ZNF407: variants seen among roughly 807,000 people sequenced by gnomAD.
ZNF407 encodes the protein zinc finger protein 407.
In ZNF407, 17 loss-of-function variants were observed where a neutral mutation model predicts 131.2. The observed-to-expected ratio is 0.13, with a 90% CI of 0.09 to 0.19. ZNF407 has a LOEUF of 0.19. Among genes scored for constraint, ZNF407 ranks in the 10% least tolerant of loss-of-function variants. The pLI, the probability that ZNF407 is intolerant of heterozygous loss-of-function variation, is 1.00. For synonymous variants in ZNF407, 1,156 were observed against 1,062.0 expected (o/e 1.09, Z -1.72); for missense variants, 2,681 against 2,830.6 (o/e 0.95, Z 1.20).
intron 8 of ZNF407, 47 bp downstream of exon 8, chr18:74,920,739 T>A: frequency 1.3e-6 from 2 of 1,557,740 alleles, no homozygotes; most frequent in East Asian, 4.6e-5. Flanking sequence ...GGATTTCATG[T>A]GATCACAGCA....
intron 8 of ZNF407, among the ~76,000 whole-genome samples, chr18:74,968,669 A>T (rs900701771): frequency 7.2e-5 from 11 of 152,202 alleles, no homozygotes; most frequent in Admixed American, 7.2e-4. Context: ...TGATGTTCCC[A>T]CATGAGTAAT....
At chr18:75,044,737 G>T (rs1973412900) in intron 8 of ZNF407, among the ~76,000 whole-genome samples, 1 of 152,084 alleles carries the variant, frequency 6.6e-6, no homozygotes, top group African/African-American at 2.4e-5. Flanking sequence ...TGCAAGATAT[G>T]ACTAAAGCAA....
intron 8 of ZNF407, among the ~76,000 whole-genome samples, chr18:75,037,818 G>A (rs1599306357): frequency 6.6e-6 from 1 of 152,162 alleles, no homozygotes. Flanking sequence ...TTTGGCTCAA[G>A]TGTGTTCTGT....
chr18:75,060,507 CTTTTTT>C lies in ZNF407; in HGVS notation c.5429-2632_5429-2627del, dbSNP rs564194650. ...GCTCTTTTCTTTTTTTTCTTTTTTT[CTTTTTT>C]TTTTTTTTTTGCGACGGAGTCTCGC... On this transcript the variant is annotated intron_variant, in intron 8 of 8. Coordinates refer to ENST00000299687, the MANE Select transcript of ZNF407 (RefSeq NM_017757.3). 3.6e-3 allele frequency among the ~76,000 whole-genome samples: 451 copies of C among 124,466 alleles called. 3 individuals carry two copies. Among genetic ancestry groups the C allele is most frequent in the African/African-American group, 0.013 (416 of 32,090 alleles). The allele number at this position is 124,466 out of a possible 152,430, so 81.7% of individuals were successfully genotyped here. A position where few individuals can be genotyped will look rare whatever the true frequency, so the allele number is the denominator to read the frequency against.
intron 3 of ZNF407, among the ~76,000 whole-genome samples, chr18:74,765,322 G>T (rs1969205147): frequency 1.3e-5 from 2 of 151,976 alleles, no homozygotes; most frequent in Admixed American, 1.3e-4. Context: ...TTCTTTGCAT[G>T]CCTGGTAATT....
intron 1 of ZNF407, among the ~76,000 whole-genome samples, chr18:74,621,517 G>GC (rs1983509645): frequency 6.6e-6 from 1 of 151,974 alleles, no homozygotes; most frequent in Non-Finnish European, 1.5e-5. Context: ...GCAGCCCCCA[G>GC]CTCCTCACTG....
intron 2 of ZNF407, among the ~76,000 whole-genome samples, chr18:74,639,618 C>T (rs1184368634): frequency 6.6e-6 from 1 of 152,174 alleles, no homozygotes; most frequent in Non-Finnish European, 1.5e-5. Context: ...TAGATACAAC[C>T]ATTCAGGTGC....
At chr18:75,050,834 TC>T (rs1296736139) in intron 8 of ZNF407, among the ~76,000 whole-genome samples, 2 of 152,118 alleles carry the variant, frequency 1.3e-5, no homozygotes, top group Non-Finnish European at 2.9e-5. Context: ...AACACAGAGA[TC>T]TATGGAGATT....
At chr18:74,755,771 T>TTCTTTC (rs1265035731) in intron 3 of ZNF407, among the ~76,000 whole-genome samples, 55 of 130,572 alleles carry the variant, frequency 4.2e-4, no homozygotes, top group South Asian at 2.6e-3. Flanking sequence ...CTTTCTTTCT[T>TTCTTTC]TCTCTCTCTC....
chr18:74,599,949 G>A (rs967556828), intron 1 of ZNF407, among the ~76,000 whole-genome samples: 3 of 152,180 alleles, frequency 2.0e-5, no homozygotes, highest in African/African-American at 4.8e-5. Context: ...TCCACTGAGC[G>A]TTTTCCTTGC....
rs1320421014 is a variant in ZNF407 at position 74,830,925 on chromosome 18, CT to C, written c.4878-46271del. ...ATGTCTCCCTATCCCTCCCTTCCCC[CT>C]ACCCTTCCCAGCCTGTCATATCCTC... On this transcript the variant is annotated intron_variant, in intron 4 of 8. Transcript: ENST00000299687. 2.0e-5 allele frequency among the ~76,000 whole-genome samples: 3 copies of C among 152,176 alleles called. 1 individual carries two copies. Among genetic ancestry groups the C allele is most frequent in the Non-Finnish European group, 4.4e-5 (3 of 68,024 alleles).
chr18:75,032,047 T>C (rs927976465), intron 8 of ZNF407, among the ~76,000 whole-genome samples: 1 of 152,192 alleles, frequency 6.6e-6, no homozygotes, highest in African/African-American at 2.4e-5. Flanking sequence ...AAACTTTCTA[T>C]CGTAAGTAGA....
chr18:74,621,721 C>T (rs1040129754), intron 1 of ZNF407, among the ~76,000 whole-genome samples: 1 of 152,214 alleles, frequency 6.6e-6, no homozygotes, highest in African/African-American at 2.4e-5. Flanking sequence ...CCCTTACAAA[C>T]AGCTCCGTAC....
intron 3 of ZNF407, among the ~76,000 whole-genome samples, chr18:74,685,418 T>G (rs189131374): frequency 6.6e-6 from 1 of 152,208 alleles, no homozygotes; most frequent in Non-Finnish European, 1.5e-5. Flanking sequence ...ATTACTGATA[T>G]AGGTCTCCTG....
chr18:75,000,129 G>A (rs867826831), intron 8 of ZNF407, among the ~76,000 whole-genome samples: 5 of 152,122 alleles, frequency 3.3e-5, no homozygotes, highest in Admixed American at 1.3e-4. Context: ...ATCTGTGGGC[G>A]GGTCCACAGG....
intron 8 of ZNF407, among the ~76,000 whole-genome samples, chr18:75,059,428 G>T (rs1209754202): frequency 6.6e-6 from 1 of 152,084 alleles, no homozygotes; most frequent in Non-Finnish European, 1.5e-5. Context: ...AAATTAATGG[G>T]GGAGGGGAAT....
At chr18:74,803,835 T>C (rs1179221906) in intron 4 of ZNF407, 2 of 962,138 alleles carry the variant, frequency 2.1e-6, no homozygotes, top group Admixed American at 5.0e-5. Flanking sequence ...TTTATCAATA[T>C]TAATACTTTC....
At chr18:74,624,303 T>C (rs913520018) in intron 1 of ZNF407, among the ~76,000 whole-genome samples, 1 of 152,186 alleles carries the variant, frequency 6.6e-6, no homozygotes, top group African/African-American at 2.4e-5. Flanking sequence ...TTTGAATTCT[T>C]CTTTAAAAAA....
intron 8 of ZNF407, among the ~76,000 whole-genome samples, chr18:75,032,132 G>A (rs1186488791): frequency 6.6e-6 from 1 of 152,118 alleles, no homozygotes; most frequent in Non-Finnish European, 1.5e-5. Flanking sequence ...CACACTGAGG[G>A]GTTGGTTTTC....
Sources: allele counts gnomAD v4.1 joint callset (sites outside exome capture counted in the v4.1 genomes callset), GRCh38; gene constraint gnomAD v4.1.1; transcripts MANE v1.5; gene names NCBI Gene and HGNC (gene_info 2026-07-23, HGNC 2026-07-21).